TTBK2: variants seen among roughly 807,000 people sequenced by gnomAD.
TTBK2 encodes tau tubulin kinase 2, also known as tau-tubulin kinase 2.
A neutral mutation model predicts 110.8 loss-of-function variants in TTBK2; 28 were observed. That is an observed-to-expected ratio of 0.25 (90% CI 0.19 to 0.35). The LOEUF is 0.35. Among genes scored for constraint, TTBK2 ranks in the 10% least tolerant of loss-of-function variants. The probability of loss-of-function intolerance (pLI) is 1.00; values close to 1 mark genes in which losing one functional copy is unlikely to be tolerated. For synonymous variants in TTBK2, 532 were observed against 527.3 expected, an observed-to-expected ratio of 1.01 and a Z score of -0.12; for missense variants, 1,369 against 1,500.3, an observed-to-expected ratio of 0.91 and a Z score of 1.45.
intron 3 of TTBK2, among the ~76,000 whole-genome samples, chr15:42,841,701 A>G (rs1893228808): frequency 6.6e-6 from 1 of 152,210 alleles, no homozygotes; most frequent in African/African-American, 2.4e-5. Flanking sequence ...GGGGATAGTT[A>G]CAATATCCAC....
At chr15:42,763,181 T>C (rs1234981596) in intron 13 of TTBK2, among the ~76,000 whole-genome samples, 26 of 24,718 alleles carry the variant, frequency 1.1e-3, no homozygotes, top group South Asian at 1.4e-3. Context: ...TATATATATA[T>C]ATATATATAT....
At chr15:42,766,445 G>GAAAAAAAAAAAA (rs1424460257) in intron 13 of TTBK2, among the ~76,000 whole-genome samples, 2 of 15,150 alleles carry the variant, frequency 1.3e-4, no homozygotes, top group Admixed American at 5.4e-4. Context: ...CGAATGGAAA[G>GAAAAAAAAAAAA]CAAAAAAAAA....
intron 9 of TTBK2, among the ~76,000 whole-genome samples, chr15:42,808,716 G>A (rs185554237): frequency 2.6e-4 from 39 of 152,006 alleles, no homozygotes; most frequent in African/African-American, 3.6e-4. Context: ...AGCCAGGCAT[G>A]GTGCACACTT....
At chr15:42,807,666 G>A (rs1891530870) in intron 9 of TTBK2, among the ~76,000 whole-genome samples, 1 of 151,854 alleles carries the variant, frequency 6.6e-6, no homozygotes, top group South Asian at 2.1e-4. Flanking sequence ...CAAACTCCTG[G>A]CCTCAAGTGA....
At chr15:42,905,973 G>A (rs2030366971) in intron 1 of TTBK2, among the ~76,000 whole-genome samples, 1 of 152,206 alleles carries the variant, frequency 6.6e-6, no homozygotes, top group Admixed American at 6.5e-5. Flanking sequence ...CCGATCACCT[G>A]AGGTCGGGAG....
At chr15:42,802,028 G>C (rs763066149) in intron 9 of TTBK2, 10 of 1,481,018 alleles carry the variant, frequency 6.8e-6, no homozygotes, top group South Asian at 4.5e-5. Context: ...GCCATCTTCT[G>C]CTGCTGCACG....
intron 5 of TTBK2, among the ~76,000 whole-genome samples, chr15:42,828,551 TAAA>T (rs376055381): frequency 7.1e-6 from 1 of 141,058 alleles, no homozygotes; most frequent in Non-Finnish European, 1.6e-5. Flanking sequence ...CCGTTTCTAC[TAAA>T]AAAAAAAAAA....
At chr15:42,858,223 A>G (rs901770408) in intron 3 of TTBK2, among the ~76,000 whole-genome samples, 2 of 152,184 alleles carry the variant, frequency 1.3e-5, no homozygotes, top group African/African-American at 4.8e-5. Context: ...ATCTCCACAG[A>G]TTCTCTGACT....
intron 1 of TTBK2, among the ~76,000 whole-genome samples, chr15:42,884,730 C>A (rs570421047): frequency 6.6e-6 from 1 of 152,248 alleles, no homozygotes; most frequent in East Asian, 1.9e-4. Flanking sequence ...ATTAAAAACA[C>A]AAAAGCACAA....
intron 1 of TTBK2, among the ~76,000 whole-genome samples, chr15:42,913,394 C>T (rs931111401): frequency 5.3e-5 from 8 of 152,058 alleles, no homozygotes; most frequent in Non-Finnish European, 8.8e-5. Flanking sequence ...AATCCCAGCA[C>T]TTTGGTAGGC....
chr15:42,779,453 CT>C (rs1408026355), intron 11 of TTBK2, among the ~76,000 whole-genome samples: 2 of 150,384 alleles, frequency 1.3e-5, no homozygotes, highest in Non-Finnish European at 3.0e-5. Flanking sequence ...AAACCCCCGA[CT>C]TTATATTTGG....
chr15:42,898,809 T>C (rs1453790640), intron 1 of TTBK2, among the ~76,000 whole-genome samples: 1 of 152,186 alleles, frequency 6.6e-6, no homozygotes. Context: ...TAGTTTGAGA[T>C]GTGGAGGTAA....
chr15:42,858,962 G>A (rs1260604248), intron 3 of TTBK2, among the ~76,000 whole-genome samples: 1 of 152,172 alleles, frequency 6.6e-6, no homozygotes, highest in Non-Finnish European at 1.5e-5. Flanking sequence ...GCTTCCAGCA[G>A]GGAGAAGAGA....
At chr15:42,762,507 C>G (rs1480809787) in intron 13 of TTBK2, among the ~76,000 whole-genome samples, 1 of 152,112 alleles carries the variant, frequency 6.6e-6, no homozygotes, top group African/African-American at 2.4e-5. Flanking sequence ...CACCTGAGGT[C>G]AGAGTTCGAG....
intron 13 of TTBK2, among the ~76,000 whole-genome samples, chr15:42,758,964 C>T (rs1387776050): frequency 1.4e-4 from 21 of 152,336 alleles, no homozygotes; most frequent in Non-Finnish European, 1.5e-5. Context: ...ACCCATGAGC[C>T]AAGCTGCCAC....
intron 1 of TTBK2, among the ~76,000 whole-genome samples, chr15:42,901,971 T>C: frequency 6.6e-6 from 1 of 151,852 alleles, no homozygotes; most frequent in East Asian, 1.9e-4. Context: ...ATCCCAGCAC[T>C]TTGGGAGGCT....
intron 1 of TTBK2, among the ~76,000 whole-genome samples, chr15:42,901,347 G>A (rs912323719): frequency 6.6e-6 from 1 of 151,310 alleles, no homozygotes; most frequent in African/African-American, 2.4e-5. Flanking sequence ...GGGCGACAGA[G>A]CAAGACTCCG....
intron 1 of TTBK2, among the ~76,000 whole-genome samples, chr15:42,916,275 A>C (rs1227121880): frequency 6.6e-6 from 1 of 151,926 alleles, no homozygotes; most frequent in Non-Finnish European, 1.5e-5. Flanking sequence ...TTGGTTATTC[A>C]TTTTTTCCTA....
At chr15:42,873,137 A>G (rs1477799636) in intron 2 of TTBK2, among the ~76,000 whole-genome samples, 1 of 152,204 alleles carries the variant, frequency 6.6e-6, no homozygotes, top group Non-Finnish European at 1.5e-5. Context: ...AACTTTTTAA[A>G]CTATGAAATC....
Sources: allele counts gnomAD v4.1 joint callset (sites outside exome capture counted in the v4.1 genomes callset), GRCh38; gene constraint gnomAD v4.1.1; transcripts MANE v1.5; gene names NCBI Gene and HGNC (gene_info 2026-07-23, HGNC 2026-07-21).